The following COL12A1 variants were observed in gnomAD, a reference collection of about 807,000 sequenced individuals.
The protein encoded by COL12A1 is collagen type XII alpha 1 chain, also known as collagen alpha-1(XII) chain.
In COL12A1, 114 loss-of-function variants were observed where a neutral mutation model predicts 349.7. That is an observed-to-expected ratio of 0.33 (90% CI 0.28 to 0.38). The LOEUF (loss-of-function observed/expected upper bound fraction) is 0.38. Among genes scored for constraint, COL12A1 ranks in the 10% least tolerant of loss-of-function variants. The probability of loss-of-function intolerance (pLI) is 1.00; values close to 1 mark genes in which losing one functional copy is unlikely to be tolerated. For missense variants in COL12A1, 3,284 were observed against 3,756.9 expected (o/e 0.87, Z 3.29); for synonymous variants, 1,369 against 1,329.0 (o/e 1.03, Z -0.66).
intron 13 of COL12A1, among the ~76,000 whole-genome samples, chr6:75,171,958 A>C (rs1768658849): frequency 6.6e-6 from 1 of 152,260 alleles, no homozygotes; most frequent in African/African-American, 2.4e-5. Flanking sequence ...AGCATAAATG[A>C]ACAAAATGTC....
intron 31 of COL12A1, among the ~76,000 whole-genome samples, chr6:75,135,259 C>CCTTTT (rs1766535415): frequency 6.6e-6 from 1 of 152,128 alleles, no homozygotes; most frequent in Non-Finnish European, 1.5e-5. Context: ...ATTATTCTTA[C>CCTTTT]CTTTTTAACA....
intron 8 of COL12A1, among the ~76,000 whole-genome samples, chr6:75,185,540 T>A (rs1769567049): frequency 6.6e-6 from 1 of 152,240 alleles, no homozygotes; most frequent in Non-Finnish European, 1.5e-5. Context: ...ATGGCCATAC[T>A]GCCAAAAGCA....
At chr6:75,132,878 A>G (rs1451019488) in intron 34 of COL12A1, among the ~76,000 whole-genome samples, 1 of 152,224 alleles carries the variant, frequency 6.6e-6, no homozygotes, top group Non-Finnish European at 1.5e-5. Flanking sequence ...TTTAAGATCA[A>G]AAAAGCACTT....
intron 21 of COL12A1, among the ~76,000 whole-genome samples, 172 bp from the exon 22 acceptor site, chr6:75,148,669 C>T (rs77334253): frequency 1.3e-5 from 2 of 152,048 alleles, no homozygotes; most frequent in Non-Finnish European, 2.9e-5. Context: ...CCTGTAAGAC[C>T]GTTATGAATA....
intron 29 of COL12A1, 50 bp downstream of exon 29, chr6:75,138,398 A>T: frequency 6.2e-7 from 1 of 1,605,710 alleles, no homozygotes; most frequent in Non-Finnish European, 8.5e-7. Flanking sequence ...CCTATTTTTT[A>T]AAAATTAACT....
intron 8 of COL12A1, among the ~76,000 whole-genome samples, 195 bp downstream of exon 8, chr6:75,188,167 G>A (rs1769732766): frequency 6.6e-6 from 1 of 152,066 alleles, no homozygotes; most frequent in East Asian, 1.9e-4. Flanking sequence ...ACATTTTACT[G>A]AATGTTCCAC....
intron 32 of COL12A1, 57 bp downstream of exon 32, chr6:75,134,669 T>C (rs1766492125): frequency 1.4e-6 from 2 of 1,433,056 alleles, no homozygotes; most frequent in East Asian, 4.9e-5. Context: ...GATAAAGAGA[T>C]GATTCCATTC....
intron 15 of COL12A1, 48 bp downstream of exon 15, chr6:75,156,209 T>C: frequency 1.3e-6 from 2 of 1,598,592 alleles, no homozygotes; most frequent in South Asian, 2.3e-5. Flanking sequence ...AGTCATCTTT[T>C]AAAACATTAC....
intron 8 of COL12A1, among the ~76,000 whole-genome samples, chr6:75,187,364 G>A (rs1246397754): frequency 6.6e-6 from 1 of 151,734 alleles, no homozygotes; most frequent in Non-Finnish European, 1.5e-5. Context: ...TGTAGCCCCA[G>A]CCCCCTACAC....
At chr6:75,113,475 A>G in intron 50 of COL12A1, 127 bp downstream of exon 50, 1 of 991,086 alleles carries the variant, frequency 1.0e-6, no homozygotes, top group Non-Finnish European at 1.4e-6. Context: ...TACTTGGAAA[A>G]GTTCAAACAT....
At chr6:75,114,165 T>C (rs1768967910) in intron 49 of COL12A1, among the ~76,000 whole-genome samples, 9 of 151,888 alleles carry the variant, frequency 5.9e-5, no homozygotes. Context: ...TCTTACTAAA[T>C]ATACTTAATT....
chr6:75,095,734 T>C (rs542347058), intron 59 of COL12A1, among the ~76,000 whole-genome samples: 1 of 152,256 alleles, frequency 6.6e-6, no homozygotes, highest in South Asian at 2.1e-4. Context: ...TTGAGACCAG[T>C]TGAAAAATAC....
intron 3 of COL12A1, among the ~76,000 whole-genome samples, chr6:75,193,315 T>A (rs898641636): frequency 6.6e-6 from 1 of 152,164 alleles, no homozygotes; most frequent in Non-Finnish European, 1.5e-5. Flanking sequence ...ACTGCAAATA[T>A]ATTTGGGGAG....
chr6:75,132,543 T>C (rs929605069), intron 34 of COL12A1, among the ~76,000 whole-genome samples: 1 of 152,180 alleles, frequency 6.6e-6, no homozygotes, highest in African/African-American at 2.4e-5. Flanking sequence ...TGCTACTCAA[T>C]AACTTTGTGA....
intron 2 of COL12A1, among the ~76,000 whole-genome samples, chr6:75,200,204 C>A (rs1770455792): frequency 6.6e-6 from 1 of 152,022 alleles, no homozygotes; most frequent in South Asian, 2.1e-4. Flanking sequence ...AGGCCCCTAG[C>A]ACCACTTAGT....
At chr6:75,179,391 C>T (rs554931292) in intron 11 of COL12A1, among the ~76,000 whole-genome samples, 1 of 152,250 alleles carries the variant, frequency 6.6e-6, no homozygotes, top group East Asian at 1.9e-4. Context: ...CATCGAGCAG[C>T]AGTGTGGGCA....
chr6:75,193,989 G>T (rs1770090845), intron 3 of COL12A1, among the ~76,000 whole-genome samples: 1 of 152,098 alleles, frequency 6.6e-6, no homozygotes, highest in African/African-American at 2.4e-5. Context: ...ATGGACATTT[G>T]GGTTGGTTCC....
At chr6:75,106,769 A>G (rs926193765) in intron 52 of COL12A1, among the ~76,000 whole-genome samples, 11 of 152,092 alleles carry the variant, frequency 7.2e-5, no homozygotes, top group African/African-American at 2.7e-4. Flanking sequence ...CGAGAAAGAG[A>G]TAGAAAAGTG....
chr6:75,091,424 T>C, intron 61 of COL12A1, 35 bp from the exon 62 acceptor site: 1 of 1,612,488 alleles, frequency 6.2e-7, no homozygotes, highest in Non-Finnish European at 8.5e-7. Flanking sequence ...AGCATATTAG[T>C]TCTATAGTTT....
Sources: gnomAD v4.1 joint callset for allele counts (sites outside exome capture counted in the v4.1 genomes callset) on GRCh38, gnomAD v4.1.1 for gene constraint, MANE v1.5 for transcripts, NCBI Gene and HGNC (gene_info 2026-07-23, HGNC 2026-07-21) for gene names.